Variants in PDE5A observed in about 807,000 individuals in gnomAD.
PDE5A encodes phosphodiesterase 5A, also known as cGMP-specific 3',5'-cyclic phosphodiesterase.
PDE5A carries 67 observed loss-of-function variants against 110.2 expected under a neutral mutation model. That is an observed-to-expected ratio of 0.61 (90% confidence interval 0.50 to 0.75). The LOEUF (loss-of-function observed/expected upper bound fraction) is 0.75, where lower values mean the gene tolerates loss of function less well. Ranked by LOEUF, PDE5A falls within the 30% of genes least tolerant of loss-of-function variation. The pLI is 0.00. For synonymous variants in PDE5A, 328 were observed against 351.2 expected (o/e 0.93, Z 0.74); for missense variants, 862 against 1,045.1 (o/e 0.82, Z 2.42).
chr4:119,515,866 ACTTC>A (rs2110465823), intron 14 of PDE5A, among the ~76,000 whole-genome samples: 1 of 152,144 alleles, frequency 6.6e-6, no homozygotes, highest in South Asian at 2.1e-4. Flanking sequence ...TTACATTCAG[ACTTC>A]CTTCCTAAAA....
intron 1 of PDE5A, among the ~76,000 whole-genome samples, chr4:119,612,885 T>C (rs1412444734): frequency 6.6e-6 from 1 of 152,240 alleles, no homozygotes; most frequent in Non-Finnish European, 1.5e-5. Flanking sequence ...TAAAGTGATG[T>C]TGGAGAATCC....
chr4:119,513,174 C>G (rs1725806319), intron 14 of PDE5A, among the ~76,000 whole-genome samples: 2 of 152,056 alleles, frequency 1.3e-5, no homozygotes, highest in Non-Finnish European at 2.9e-5. Context: ...TTTAATACCT[C>G]TCACTTCTGC....
rs770116591 is a variant in PDE5A at position 119,521,066 on chromosome 4, G to T, written c.1780-6C>A. On this transcript the variant is annotated splice_polypyrimidine_tract_variant and splice_region_variant and intron_variant, in intron 12 of 20. Transcript: ENST00000354960. ...AAAATCCATCTGCAAAGAACCTTTA[G>T]GGAATAAAACATAAGTAGTAACAAT... 2 of 1,610,208 alleles carry T rather than the reference G, an allele frequency of 1.2e-6. No homozygotes were observed. The highest frequency in any genetic ancestry group is 3.3e-5 in the Admixed American group (2 of 59,738).
Position 119,606,778 on chromosome 4 carries a change from T to A in PDE5A, c.672A>T (p.Glu224Asp). The A allele has an allele frequency of 6.2e-7, 1 of 1,614,196 alleles. No homozygotes were observed. Among genetic ancestry groups the A allele is most frequent in the South Asian group, 1.1e-5 (1 of 91,084 alleles). Residue 224 changes from glutamate to aspartate, a missense_variant, in exon 2 of 21, where the codon GAA (glutamate) becomes GAT (aspartate). Glu to Asp is a conservative substitution (Grantham distance 45). Transcript: ENST00000354960. ...EEVSNNCIRL[E>D]WNKGIVGHVA... ...CATGTCCCACAATGCCTTTGTTCCA[T>A]TCTAAGCGGATACAGTTATTTGAAA...
At chr4:119,598,062 AAAG>A (rs1729214257) in intron 2 of PDE5A, among the ~76,000 whole-genome samples, 1 of 152,174 alleles carries the variant, frequency 6.6e-6, no homozygotes, top group African/African-American at 2.4e-5. Flanking sequence ...TTGATGAATT[AAAG>A]AAGTGAAAAA....
intron 3 of PDE5A, among the ~76,000 whole-genome samples, chr4:119,585,490 G>C (rs1401806995): frequency 1.3e-5 from 2 of 151,898 alleles, no homozygotes; most frequent in East Asian, 3.9e-4. Flanking sequence ...ACATTTTTTA[G>C]TACATGAAAG....
intron 19 of PDE5A, among the ~76,000 whole-genome samples, chr4:119,501,680 GAA>G (rs372131149): frequency 6.6e-6 from 1 of 151,744 alleles, no homozygotes; most frequent in African/African-American, 2.4e-5. Flanking sequence ...AATACAAAAA[GAA>G]AAAAAGAGGA....
chr4:119,555,079 T>C (rs1394550449), intron 7 of PDE5A, among the ~76,000 whole-genome samples: 1 of 152,200 alleles, frequency 6.6e-6, no homozygotes, highest in African/African-American at 2.4e-5. Flanking sequence ...AGTGGTTTCA[T>C]ATGGCGTCCT....
chr4:119,580,478 G>A (rs1391884690), intron 3 of PDE5A, among the ~76,000 whole-genome samples: 4 of 152,128 alleles, frequency 2.6e-5, no homozygotes, highest in Non-Finnish European at 5.9e-5. Context: ...AGTGTTTACT[G>A]TTGTTGTTTA....
At chr4:119,521,137 A>G in intron 12 of PDE5A, 77 bp from the exon 13 acceptor site, 1 of 1,408,134 alleles carries the variant, frequency 7.1e-7, no homozygotes, top group South Asian at 1.3e-5. Context: ...GACACTACAA[A>G]GCATTCACAT....
chr4:119,547,827 G>T (rs145223268), intron 9 of PDE5A, among the ~76,000 whole-genome samples: 1 of 151,812 alleles, frequency 6.6e-6, no homozygotes, highest in Non-Finnish European at 1.5e-5. Flanking sequence ...TTTCAGAAAC[G>T]ACTGACTTTA....
intron 10 of PDE5A, 23 bp downstream of exon 10, chr4:119,542,436 A>G: frequency 6.2e-7 from 1 of 1,609,226 alleles, no homozygotes; most frequent in Non-Finnish European, 8.5e-7. Flanking sequence ...GTACAGTGTG[A>G]GAGGTCCCTA....
At chr4:119,502,976 A>G (rs1379056428) in intron 18 of PDE5A, among the ~76,000 whole-genome samples, 3 of 152,136 alleles carry the variant, frequency 2.0e-5, no homozygotes, top group African/African-American at 7.2e-5. Context: ...AGGGGAGAGA[A>G]AGGATATATG....
chr4:119,585,261 G>A (rs1160918102), intron 3 of PDE5A, among the ~76,000 whole-genome samples: 1 of 117,296 alleles, frequency 8.5e-6, no homozygotes, highest in East Asian at 2.6e-4. Context: ...GGCGACAAGA[G>A]TGAAACTCTG....
chr4:119,560,899 C>T (rs1176857507), intron 6 of PDE5A, among the ~76,000 whole-genome samples: 1 of 152,172 alleles, frequency 6.6e-6, no homozygotes, highest in Non-Finnish European at 1.5e-5. Context: ...GTGGGTGGAT[C>T]ACTTGAGGCC....
chr4:119,607,924 T>C (rs577773377), intron 1 of PDE5A, among the ~76,000 whole-genome samples: 21 of 152,196 alleles, frequency 1.4e-4, no homozygotes, highest in African/African-American at 1.7e-4. Flanking sequence ...AATTTGCCAA[T>C]AGTTTTAGGA....
intron 1 of PDE5A, among the ~76,000 whole-genome samples, chr4:119,616,635 T>C (rs1318754261): frequency 6.6e-6 from 1 of 152,046 alleles, no homozygotes; most frequent in African/African-American, 2.4e-5. Context: ...CTAATGAGCA[T>C]GTGCACTACC....
At chr4:119,504,219 G>GAGTT (rs1186864931) in intron 18 of PDE5A, among the ~76,000 whole-genome samples, 3 of 152,040 alleles carry the variant, frequency 2.0e-5, no homozygotes, top group Non-Finnish European at 4.4e-5. Flanking sequence ...TTCTGTTTCT[G>GAGTT]AGTTAGTTCA....
At chr4:119,515,224 A>G (rs943797537) in intron 14 of PDE5A, among the ~76,000 whole-genome samples, 2 of 152,160 alleles carry the variant, frequency 1.3e-5, no homozygotes, top group African/African-American at 4.8e-5. Context: ...ATTCATGGGT[A>G]AAATGGACTT....
Sources: allele counts gnomAD v4.1 joint callset (sites outside exome capture counted in the v4.1 genomes callset), GRCh38; gene constraint gnomAD v4.1.1; transcripts MANE v1.5; gene names NCBI Gene and HGNC (gene_info 2026-07-23, HGNC 2026-07-21).